The following TENM3 variants were observed in gnomAD, a reference collection of about 807,000 sequenced individuals.
TENM3 encodes teneurin-3.
A neutral mutation model predicts 255.1 loss-of-function variants in TENM3; 63 were observed. That is an observed-to-expected ratio of 0.25 (90% CI 0.20 to 0.30). TENM3 has a LOEUF of 0.30. Among genes scored for constraint, TENM3 ranks in the 10% least tolerant of loss-of-function variants. The probability of loss-of-function intolerance (pLI) is 1.00; values close to 1 mark genes in which losing one functional copy is unlikely to be tolerated. For missense variants in TENM3, 2,929 were observed against 3,461.1 expected (o/e 0.85, Z 3.86); for synonymous variants, 1,306 against 1,322.3 (o/e 0.99, Z 0.27).
chr4:182,631,139 T>C lies in TENM3; in HGVS notation c.988+2250T>C, dbSNP rs370490841. Among the ~76,000 whole-genome samples, 12 of 152,190 alleles carry C rather than the reference T, an allele frequency of 7.9e-5. 1 individual carries two copies. Among genetic ancestry groups the C allele is most frequent in the East Asian group, 5.8e-4 (3 of 5,192 alleles). ...ATCTGCTTTATTCCTACTAGTACCA[T>C]GGTCATAAACCTTCCCTTTGCTTTT... On this transcript the variant is annotated intron_variant, in intron 5 of 27. Transcript: ENST00000511685.
intron 25 of TENM3, among the ~76,000 whole-genome samples, chr4:182,790,465 A>C (rs1008463616): frequency 2.0e-5 from 3 of 152,132 alleles, no homozygotes; most frequent in Non-Finnish European, 4.4e-5. Flanking sequence ...ATCCCAACTA[A>C]TTCCAGCCGG....
At chr4:182,111,051 C>T in the TENM3 span, among the ~76,000 whole-genome samples, 1 of 151,848 alleles carries the variant, frequency 6.6e-6, no homozygotes, top group Non-Finnish European at 1.5e-5. Context: ...TTTTAAAATC[C>T]GAAGTAAAGC....
intron 5 of TENM3, among the ~76,000 whole-genome samples, chr4:182,629,152 T>C (rs1751110566): frequency 6.6e-6 from 1 of 152,184 alleles, no homozygotes; most frequent in African/African-American, 2.4e-5. Flanking sequence ...ACTTATCCCT[T>C]GTGAAACATG....
the TENM3 span, among the ~76,000 whole-genome samples, chr4:181,616,051 C>T: frequency 4.0e-5 from 6 of 151,880 alleles, no homozygotes; most frequent in East Asian, 1.2e-3. Context: ...ACATGTTTCC[C>T]CCCCACACTT....
the TENM3 span, among the ~76,000 whole-genome samples, chr4:182,056,716 G>A: frequency 6.6e-6 from 1 of 152,060 alleles, no homozygotes. Flanking sequence ...GTTTATCTGT[G>A]GTCTGCCTTG....
At chr4:181,973,487 T>C in the TENM3 span, among the ~76,000 whole-genome samples, 3 of 152,182 alleles carry the variant, frequency 2.0e-5, no homozygotes, top group African/African-American at 4.8e-5. Flanking sequence ...CTTTGGGAGA[T>C]TGAAGCAGGA....
At chr4:182,420,054 A>G (rs569928529) in intron 3 of TENM3, among the ~76,000 whole-genome samples, 5 of 151,954 alleles carry the variant, frequency 3.3e-5, no homozygotes, top group Admixed American at 2.0e-4. Flanking sequence ...TTATTTCCCT[A>G]TTTTTCAGGG....
At chr4:181,516,918 C>G in the TENM3 span, among the ~76,000 whole-genome samples, 2 of 152,106 alleles carry the variant, frequency 1.3e-5, no homozygotes, top group African/African-American at 4.8e-5. Flanking sequence ...AAGAACTAAG[C>G]CCAGACCCAC....
chr4:181,885,442 T>C, the TENM3 span, among the ~76,000 whole-genome samples: 3 of 152,146 alleles, frequency 2.0e-5, no homozygotes, highest in Non-Finnish European at 2.9e-5. Flanking sequence ...TTTATATTTT[T>C]AGTAGAGACA....
At chr4:182,543,666 CAT>C (rs142391880) in intron 3 of TENM3, among the ~76,000 whole-genome samples, 122 of 151,528 alleles carry the variant, frequency 8.1e-4, no homozygotes, top group Middle Eastern at 3.4e-3. Context: ...AACATATTTT[CAT>C]ATATATATAT....
the TENM3 span, among the ~76,000 whole-genome samples, chr4:182,055,792 T>G: frequency 6.6e-6 from 1 of 152,138 alleles, no homozygotes; most frequent in Non-Finnish European, 1.5e-5. Context: ...TAAGCTGGAA[T>G]GCTGACTTGG....
chr4:182,151,652 T>C (rs1353994862), intron 1 of TENM3, among the ~76,000 whole-genome samples: 1 of 152,018 alleles, frequency 6.6e-6, no homozygotes, highest in African/African-American at 2.4e-5. Flanking sequence ...ATGACTTTTT[T>C]TCTCTTAGGA....
the TENM3 span, among the ~76,000 whole-genome samples, chr4:181,943,931 C>T: frequency 6.6e-6 from 1 of 152,086 alleles, no homozygotes; most frequent in East Asian, 1.9e-4. Flanking sequence ...GAACCTCAAC[C>T]TCCTATAAAA....
At chr4:181,869,125 C>A in the TENM3 span, among the ~76,000 whole-genome samples, 1 of 152,098 alleles carries the variant, frequency 6.6e-6, no homozygotes, top group East Asian at 1.9e-4. Context: ...AATTTCTCAT[C>A]TAAACCATTT....
At chr4:182,165,685 C>G (rs1272169097) in intron 1 of TENM3, among the ~76,000 whole-genome samples, 1 of 152,208 alleles carries the variant, frequency 6.6e-6, no homozygotes, top group Non-Finnish European at 1.5e-5. Flanking sequence ...TCTGTTATTG[C>G]AGCATGCAGC....
chr4:182,558,273 A>C (rs1290682680), intron 3 of TENM3, among the ~76,000 whole-genome samples: 1 of 152,198 alleles, frequency 6.6e-6, no homozygotes, highest in African/African-American at 2.4e-5. Context: ...CAGCATCTCC[A>C]TCAGGTTTTT....
chr4:182,113,588 G>T, the TENM3 span, among the ~76,000 whole-genome samples: 1 of 152,028 alleles, frequency 6.6e-6, no homozygotes, highest in African/African-American at 2.4e-5. Context: ...CATTACATCC[G>T]TATTTTCTTA....
At position 182,591,946 on chromosome 4, in the gene TENM3, A is replaced by G. The variant is rs1278270215; in HGVS notation, c.512-8978A>G. 7.9e-5 allele frequency among the ~76,000 whole-genome samples: 12 copies of G among 152,166 alleles called. 1 individual carries two copies. The East Asian group carries it at 1.4e-3, about 17-fold the overall frequency. ...TATAAGCACCTATTTCCTTAACTCAAATTTTCTCCATTTATAAGAAAAATT... is the reference window on the plus strand; with the variant it reads ...TATAAGCACCTATTTCCTTAACTCAGATTTTCTCCATTTATAAGAAAAATT... On this transcript the variant is annotated intron_variant, in intron 3 of 27. Coordinates refer to ENST00000511685, the MANE Select transcript of TENM3 (RefSeq NM_001080477.4).
chr4:181,531,984 G>A, the TENM3 span, among the ~76,000 whole-genome samples: 2 of 152,228 alleles, frequency 1.3e-5, no homozygotes, highest in Admixed American at 6.5e-5. Context: ...GTGTCTCTGA[G>A]CAGGAGTGGG....
Sources: gnomAD v4.1 joint callset for allele counts (sites outside exome capture counted in the v4.1 genomes callset) on GRCh38, gnomAD v4.1.1 for gene constraint, MANE v1.5 for transcripts, NCBI Gene and HGNC (gene_info 2026-07-23, HGNC 2026-07-21) for gene names.